Variants in DYM observed in about 807,000 individuals in gnomAD.
DYM encodes dyggve-Melchior-Clausen syndrome protein.
Under a neutral mutation model 93.1 loss-of-function variants are expected in DYM, and 78 were observed. The ratio of observed to expected loss-of-function variants is 0.84; its 90% confidence interval spans 0.70 to 1.01. The LOEUF is 1.01. Ranked by LOEUF, DYM falls within the 50% of genes least tolerant of loss-of-function variation. The probability of loss-of-function intolerance (pLI) is 0.00; values close to 1 mark genes in which losing one functional copy is unlikely to be tolerated. For synonymous variants in DYM, 321 were observed against 319.7 expected (o/e 1.00, Z -0.04); for missense variants, 789 against 845.0 (o/e 0.93, Z 0.82).
At chr18:49,136,523 C>G (rs1378065004) in intron 15 of DYM, among the ~76,000 whole-genome samples, 1 of 152,120 alleles carries the variant, frequency 6.6e-6, no homozygotes, top group Non-Finnish European at 1.5e-5. Context: ...GAATCGTATT[C>G]TAGCAATCAA....
rs1250160502 is a variant in DYM at position 49,251,933 on chromosome 18, GGCTT to G, written c.1460+5073_1460+5076del. On this transcript the variant is annotated intron_variant, in intron 13 of 17. Transcript: ENST00000675505. ...CACGCTGCTATAAAGAACTGCCCGA[GGCTT>G]GCACAGTGGCTCACACCTGTAATCC... 2.0e-5 allele frequency among the ~76,000 whole-genome samples: 3 copies of G among 152,008 alleles called. No individual in the cohort carries two copies. In the East Asian group the frequency reaches 5.8e-4, roughly 29 times the overall value.
chr18:49,178,264 G>A (rs1295711374), intron 14 of DYM, among the ~76,000 whole-genome samples: 2 of 152,030 alleles, frequency 1.3e-5, no homozygotes, highest in African/African-American at 2.4e-5. Flanking sequence ...TGTGGAAATG[G>A]GAAAAATCTA....
Position 49,430,756 on chromosome 18 carries a change from G to A in DYM, c.-53-309C>T, listed in dbSNP as rs140069085. 0.035 allele frequency among the ~76,000 whole-genome samples: 5,302 copies of A among 151,968 alleles called. 165 individuals carry two copies. Among genetic ancestry groups the A allele is most frequent in the Non-Finnish European group, 0.051 (3,477 of 67,970 alleles). ...AAAACTTAGCTGGGCGTGGTGGCAC[G>A]CACCCGTAGTCCCAGCTACTCAAGA... On this transcript the variant is annotated intron_variant, in intron 1 of 17. Transcript: ENST00000675505.
chr18:49,061,353 T>C (rs1440244864), intron 17 of DYM, among the ~76,000 whole-genome samples: 2 of 151,924 alleles, frequency 1.3e-5, no homozygotes, highest in African/African-American at 2.4e-5. Context: ...AGAGGAATAA[T>C]AGAAGCACAG....
intron 13 of DYM, among the ~76,000 whole-genome samples, chr18:49,251,761 T>C (rs761240194): frequency 1.3e-5 from 2 of 152,178 alleles, no homozygotes; most frequent in Non-Finnish European, 2.9e-5. Flanking sequence ...CCATAGGTAG[T>C]AAAGTTCTGG....
At chr18:49,409,196 A>G (rs2071892637) in intron 2 of DYM, among the ~76,000 whole-genome samples, 1 of 151,398 alleles carries the variant, frequency 6.6e-6, no homozygotes, top group Non-Finnish European at 1.5e-5. Context: ...AGGCAGGAGA[A>G]TCACTTGAAC....
At chr18:49,230,085 G>A (rs377550957) in intron 13 of DYM, among the ~76,000 whole-genome samples, 22 of 152,094 alleles carry the variant, frequency 1.4e-4, no homozygotes, top group Non-Finnish European at 2.4e-4. Flanking sequence ...GCAGCACAGC[G>A]GAATCTTTAG....
intron 14 of DYM, among the ~76,000 whole-genome samples, chr18:49,198,463 A>C (rs902198130): frequency 6.6e-5 from 10 of 152,236 alleles, no homozygotes; most frequent in African/African-American, 1.9e-4. Context: ...AATGGGAGAA[A>C]ATTTTTGCCA....
chr18:49,112,827 C>T (rs1010042727), intron 16 of DYM, among the ~76,000 whole-genome samples: 2 of 152,152 alleles, frequency 1.3e-5, no homozygotes, highest in African/African-American at 2.4e-5. Flanking sequence ...CCCATAACTC[C>T]GTCCCACCCA....
intron 14 of DYM, among the ~76,000 whole-genome samples, chr18:49,176,199 A>G (rs1386152702): frequency 2.0e-5 from 3 of 152,206 alleles, no homozygotes; most frequent in Non-Finnish European, 4.4e-5. Flanking sequence ...ACAACTTAAA[A>G]AATGATGTTA....
chr18:49,102,768 G>T (rs1350804274), intron 16 of DYM, among the ~76,000 whole-genome samples: 1 of 152,260 alleles, frequency 6.6e-6, no homozygotes, highest in Admixed American at 6.5e-5. Flanking sequence ...TGGCTGCATA[G>T]TATTCCATGG....
rs566694073 is a variant in DYM at position 49,256,892 on chromosome 18, A to G, written c.1460+118T>C. 3.3e-4 allele frequency: 278 copies of G among 854,474 alleles called. No homozygotes were observed. In the African/African-American group the frequency reaches 3.6e-3, roughly 11 times the overall value. 52.9% of individuals were successfully genotyped at this position (854,474 alleles called of 1,614,324 possible). A position where few individuals can be genotyped will look rare whatever the true frequency, so the allele number is the denominator to read the frequency against. ...TCAACCAAACAAGAAGGTGATAAAA[A>G]TTAAGTAGGAAAATTTGATAGTCCT... is the stretch of plus-strand genomic sequence containing the variant. On this transcript the variant is annotated intron_variant, in intron 13 of 17. Coordinates refer to ENST00000675505, the MANE Select transcript of DYM (RefSeq NM_001353214.3).
intron 8 of DYM, among the ~76,000 whole-genome samples, chr18:49,292,551 C>T (rs10468864): frequency 7.5e-6 from 1 of 133,186 alleles, no homozygotes; most frequent in Non-Finnish European, 1.5e-5. Context: ...AGCCTCTGAT[C>T]TATGACCTAA....
At chr18:49,051,306 G>A (rs1599366754) in intron 17 of DYM, among the ~76,000 whole-genome samples, 2 of 152,334 alleles carry the variant, frequency 1.3e-5, no homozygotes, top group East Asian at 3.9e-4. Flanking sequence ...GCCCAGGCTG[G>A]GGACAGGAGG....
intron 14 of DYM, among the ~76,000 whole-genome samples, chr18:49,171,629 C>T (rs1488149847): frequency 2.0e-5 from 3 of 152,094 alleles, no homozygotes; most frequent in African/African-American, 7.2e-5. Flanking sequence ...GTGGGAGCTA[C>T]AAACCAAATC....
intron 1 of DYM, among the ~76,000 whole-genome samples, chr18:49,457,856 G>A (rs1364295194): frequency 2.0e-5 from 3 of 152,216 alleles, no homozygotes; most frequent in Non-Finnish European, 4.4e-5. Flanking sequence ...TGTGGTCAGA[G>A]ACTTGAGGAT....
At position 49,423,647 on chromosome 18, in the gene DYM, T is replaced by C. The variant is rs188650668; in HGVS notation, c.140+6608A>G. On this transcript the variant is annotated intron_variant, in intron 2 of 17. Transcript: ENST00000675505. Reference sequence around the variant, plus strand: ...AAGATCAACAAAATTGATAGACCACTAGCAAGACTAATAAAGAAGAAAAGA... The same window carrying C: ...AAGATCAACAAAATTGATAGACCACCAGCAAGACTAATAAAGAAGAAAAGA... Among the ~76,000 whole-genome samples the C allele has an allele frequency of 5.1e-3, 782 of 152,048 alleles. 39 individuals carry two copies. Among genetic ancestry groups the C allele is most frequent in the Admixed American group, 0.047 (715 of 15,280 alleles).
At chr18:49,071,087 A>G (rs1223990406) in intron 17 of DYM, among the ~76,000 whole-genome samples, 3 of 152,230 alleles carry the variant, frequency 2.0e-5, no homozygotes, top group Non-Finnish European at 2.9e-5. Flanking sequence ...TGGGATACAG[A>G]TCACCAAAGA....
chr18:49,337,572 A>G (rs2063766593), intron 6 of DYM, among the ~76,000 whole-genome samples: 1 of 152,232 alleles, frequency 6.6e-6, no homozygotes, highest in Non-Finnish European at 1.5e-5. Flanking sequence ...GCCTGAGAAC[A>G]TAGCCAATCA....
Sources: gnomAD v4.1 joint callset for allele counts (sites outside exome capture counted in the v4.1 genomes callset) on GRCh38, gnomAD v4.1.1 for gene constraint, MANE v1.5 for transcripts, NCBI Gene and HGNC (gene_info 2026-07-23, HGNC 2026-07-21) for gene names.